Variants in FBRSL1 observed in about 807,000 individuals in gnomAD.
FBRSL1 encodes the protein fibrosin-1-like protein.
FBRSL1 carries 51 observed loss-of-function variants against 89.6 expected under a neutral mutation model. That is an observed-to-expected ratio of 0.57 (90% CI 0.45 to 0.72). The LOEUF (loss-of-function observed/expected upper bound fraction) is 0.72. Ranked by LOEUF, FBRSL1 falls within the 30% of genes least tolerant of loss-of-function variation. FBRSL1 has a pLI of 0.00. For missense variants in FBRSL1, 1,618 were observed against 1,451.8 expected (o/e 1.11, Z -1.86); for synonymous variants, 779 against 681.1 (o/e 1.14, Z -2.24).
At chr12:132,510,944 G>A (rs1017159328) in intron 2 of FBRSL1, 22 of 993,414 alleles carry the variant, frequency 2.2e-5, no homozygotes, top group African/African-American at 1.9e-4. Flanking sequence ...TGGTGTGTGC[G>A]TGCTGTGTGT....
intron 15 of FBRSL1, among the ~76,000 whole-genome samples, chr12:132,577,641 G>A (rs1391953664): frequency 3.2e-5 from 4 of 124,804 alleles, no homozygotes; most frequent in African/African-American, 1.2e-4. Flanking sequence ...CCCCTCCCCC[G>A]GGTCACCCCT....
intron 2 of FBRSL1, among the ~76,000 whole-genome samples, chr12:132,512,150 G>A (rs931350348): frequency 1.3e-5 from 2 of 152,222 alleles, no homozygotes; most frequent in Non-Finnish European, 1.5e-5. Flanking sequence ...TCAGCATGGG[G>A]GCACCGGCCT....
intron 2 of FBRSL1, among the ~76,000 whole-genome samples, chr12:132,513,049 C>G (rs921732681): frequency 6.6e-6 from 1 of 152,242 alleles, no homozygotes. Context: ...ACACTGCTGC[C>G]AGGCGTCGCC....
chr12:132,525,716 T>C lies in FBRSL1; in HGVS notation c.490-18T>C. On this transcript the variant is annotated intron_variant, in intron 2 of 18. Transcript: ENST00000680143. ...TGAGGTGGGGGTTTGCCTGAGACAG[T>C]GTCTCTCTCTGTCCCAGATGAAGGT... The C allele has an allele frequency of 6.5e-7, 1 of 1,533,492 alleles. No individual in the cohort carries two copies. The highest frequency in any genetic ancestry group is 8.8e-7 in the Non-Finnish European group (1 of 1,131,830). The allele number at this position is 1,533,492 out of a possible 1,614,324, so 95.0% of individuals were successfully genotyped here. A position where few individuals can be genotyped will look rare whatever the true frequency, so the allele number is the denominator to read the frequency against.
At chr12:132,547,515 G>GCC (rs2037799178) in intron 4 of FBRSL1, among the ~76,000 whole-genome samples, 2 of 152,210 alleles carry the variant, frequency 1.3e-5, no homozygotes, top group African/African-American at 4.8e-5. Context: ...CCCAGGCTCT[G>GCC]CCCACCATCA....
intron 1 of FBRSL1, chr12:132,507,396 C>T (rs565675275): frequency 8.1e-6 from 8 of 985,462 alleles, no homozygotes; most frequent in Non-Finnish European, 8.4e-6. Flanking sequence ...AAGGTGCTTA[C>T]TAGTGGTTTA....
At chr12:132,566,466 C>T (rs576055827) in intron 5 of FBRSL1, 1 of 141,456 alleles carries the variant, frequency 7.1e-6, no homozygotes, top group Admixed American at 7.1e-5. Flanking sequence ...TAAGGTCATT[C>T]TTATGAAGCT....
At chr12:132,526,799 C>T (rs887695462) in intron 3 of FBRSL1, among the ~76,000 whole-genome samples, 1 of 152,178 alleles carries the variant, frequency 6.6e-6, no homozygotes, top group Non-Finnish European at 1.5e-5. Flanking sequence ...CTGTGAGCCC[C>T]ACTTGCCCAG....
rs193234994 is a variant in FBRSL1, at chr12:132,537,788, C to T, written c.615+9800C>T. ...GAGCCCAGGCCGCCCACACGTGTGC[C>T]TGCTATGTCTCCAGCTAAGTGGACC... On this transcript the variant is annotated intron_variant, in intron 4 of 18. Transcript: ENST00000680143. Among the ~76,000 whole-genome samples, 632 of 152,298 alleles carry T rather than the reference C, an allele frequency of 4.1e-3. 3 individuals carry two copies. Among genetic ancestry groups the T allele is most frequent in the Non-Finnish European group, 6.2e-3 (423 of 68,022 alleles).
At chr12:132,507,268 A>G in intron 1 of FBRSL1, 8 of 985,418 alleles carry the variant, frequency 8.1e-6, no homozygotes, top group Non-Finnish European at 9.6e-6. Flanking sequence ...CCTCCCCGAG[A>G]GGATTCTGTC....
At chr12:132,524,757 TGCAGGGGCGTCCCTGCTGGGCGCTGGCCA>T (rs2035645508) in intron 2 of FBRSL1, among the ~76,000 whole-genome samples, 1 of 152,200 alleles carries the variant, frequency 6.6e-6, no homozygotes, top group Non-Finnish European at 1.5e-5. Context: ...GCGCTGGCTG[TGCAGGGGCGTCCCTGCTGGGCGCTGGCCA>T]GCAGGAGCTC....
At chr12:132,551,846 G>A in intron 5 of FBRSL1, 1 of 343,320 alleles carries the variant, frequency 2.9e-6, no homozygotes, top group Non-Finnish European at 5.8e-6. Context: ...AAAAGTGTGG[G>A]GTGAAGAGCG....
intron 15 of FBRSL1, 26 bp downstream of exon 15, chr12:132,576,957 G>A (rs1174253920): frequency 1.3e-6 from 2 of 1,540,082 alleles, no homozygotes; most frequent in Non-Finnish European, 8.8e-7. Flanking sequence ...GGCCAGGTGG[G>A]GGGCACAGAA....
intron 15 of FBRSL1, 97 bp downstream of exon 15, chr12:132,577,028 G>T (rs766617011): frequency 6.9e-7 from 1 of 1,451,300 alleles, no homozygotes; most frequent in South Asian, 1.4e-5. Context: ...GCGCTCTCTG[G>T]ACCGCAGCAC....
At chr12:132,498,260 C>T (rs1459311709) in intron 1 of FBRSL1, among the ~76,000 whole-genome samples, 4 of 152,122 alleles carry the variant, frequency 2.6e-5, no homozygotes, top group South Asian at 2.1e-4. Flanking sequence ...GGCATGGGGC[C>T]GGGGGCTGTG....
At chr12:132,562,340 G>A (rs904563847) in intron 5 of FBRSL1, among the ~76,000 whole-genome samples, 2 of 152,178 alleles carry the variant, frequency 1.3e-5, no homozygotes, top group Non-Finnish European at 2.9e-5. Context: ...GCAAGGCTGG[G>A]GGAGGGAGAG....
chr12:132,503,024 G>A (rs768486337), intron 1 of FBRSL1, among the ~76,000 whole-genome samples: 12 of 151,806 alleles, frequency 7.9e-5, no homozygotes, highest in Admixed American at 3.9e-4. Flanking sequence ...TTCCCGGCCC[G>A]CACAGGGCCA....
chr12:132,574,265 A>G, intron 12 of FBRSL1, 54 bp from the exon 13 acceptor site: 1 of 1,476,638 alleles, frequency 6.8e-7, no homozygotes, highest in South Asian at 1.4e-5. Context: ...CTGCACCCCC[A>G]GGACTCAGCC....
intron 2 of FBRSL1, among the ~76,000 whole-genome samples, chr12:132,514,131 C>T (rs1016308074): frequency 6.6e-6 from 1 of 152,238 alleles, no homozygotes; most frequent in Non-Finnish European, 1.5e-5. Context: ...GTTCTCGCGT[C>T]AGGGCTCGGC....
Sources: gnomAD v4.1 joint callset for allele counts (sites outside exome capture counted in the v4.1 genomes callset) on GRCh38, gnomAD v4.1.1 for gene constraint, MANE v1.5 for transcripts, NCBI Gene and HGNC (gene_info 2026-07-23, HGNC 2026-07-21) for gene names.